Variants in FRMD4A observed in about 807,000 individuals in gnomAD.
FRMD4A encodes the protein FERM domain-containing protein 4A.
Under a neutral mutation model 129.1 loss-of-function variants are expected in FRMD4A, and 29 were observed. That is an observed-to-expected ratio of 0.22 (90% CI 0.17 to 0.31). The LOEUF is 0.31. Ranked by LOEUF, FRMD4A falls within the 10% of genes least tolerant of loss-of-function variation. The pLI is 1.00. For missense variants in FRMD4A, 1,272 were observed against 1,375.8 expected (o/e 0.92, Z 1.19); for synonymous variants, 634 against 571.6 (o/e 1.11, Z -1.56).
intron 6 of FRMD4A, among the ~76,000 whole-genome samples, chr10:13,779,112 T>A (rs1238551908): frequency 6.6e-6 from 1 of 151,770 alleles, no homozygotes; most frequent in African/African-American, 2.4e-5. Context: ...AGGTCAGGCG[T>A]TCGAGACCGG....
chr10:14,019,720 A>G (rs1354147318), intron 2 of FRMD4A, among the ~76,000 whole-genome samples: 1 of 152,248 alleles, frequency 6.6e-6, no homozygotes, highest in Admixed American at 6.5e-5. Flanking sequence ...GATCAGATGG[A>G]CAGTGATGGG....
At chr10:14,000,667 A>AAAAAAAAAAAAAG (rs200369296) in intron 2 of FRMD4A, among the ~76,000 whole-genome samples, 80 of 106,898 alleles carry the variant, frequency 7.5e-4, no homozygotes, top group Non-Finnish European at 1.3e-3. Context: ...AAAAAAAAAA[A>AAAAAAAAAAAAAG]AGAGAAGAAA....
chr10:13,726,125 A>C (rs2089871026), intron 12 of FRMD4A, among the ~76,000 whole-genome samples: 1 of 152,126 alleles, frequency 6.6e-6, no homozygotes, highest in South Asian at 2.1e-4. Context: ...AAATACAAAA[A>C]TTAGCCGAGT....
At chr10:13,703,915 G>T (rs573359821) in intron 13 of FRMD4A, among the ~76,000 whole-genome samples, 115 of 152,320 alleles carry the variant, frequency 7.5e-4, no homozygotes, top group African/African-American at 2.7e-3. Context: ...TGAGGCAGGA[G>T]AATTGCTTGA....
At chr10:13,936,902 A>C (rs1002128435) in intron 2 of FRMD4A, among the ~76,000 whole-genome samples, 2 of 152,192 alleles carry the variant, frequency 1.3e-5, no homozygotes, top group Non-Finnish European at 2.9e-5. Flanking sequence ...CACTCGTGTT[A>C]ACTAAGCTTT....
chr10:13,944,119 T>C (rs187233305), intron 2 of FRMD4A, among the ~76,000 whole-genome samples: 46 of 152,328 alleles, frequency 3.0e-4, no homozygotes, highest in African/African-American at 1.1e-3. Context: ...GGGGATCTTA[T>C]GTAGCAGGGA....
At chr10:14,196,646 T>C (rs1039781177) in intron 2 of FRMD4A, among the ~76,000 whole-genome samples, 3 of 152,250 alleles carry the variant, frequency 2.0e-5, no homozygotes, top group Admixed American at 2.0e-4. Flanking sequence ...TCTAAAAATC[T>C]ATTACAACAG....
At chr10:13,971,626 A>T in intron 2 of FRMD4A, 1 of 1,247,308 alleles carries the variant, frequency 8.0e-7, no homozygotes, top group South Asian at 1.3e-5. Context: ...CCATGCTTCA[A>T]AGAAACGAAA....
intron 2 of FRMD4A, among the ~76,000 whole-genome samples, chr10:14,172,530 C>T (rs1462269795): frequency 6.6e-6 from 1 of 152,190 alleles, no homozygotes; most frequent in Non-Finnish European, 1.5e-5. Context: ...GTTGTACTCG[C>T]GTGAGGTTAG....
intron 2 of FRMD4A, among the ~76,000 whole-genome samples, chr10:14,067,381 A>C (rs1835113012): frequency 6.6e-6 from 1 of 152,172 alleles, no homozygotes; most frequent in Non-Finnish European, 1.5e-5. Context: ...CAACCAGTAT[A>C]GAGGGGAACA....
At chr10:13,669,735 T>C (rs987872373) in intron 17 of FRMD4A, among the ~76,000 whole-genome samples, 2 of 152,244 alleles carry the variant, frequency 1.3e-5, no homozygotes, top group South Asian at 2.1e-4. Context: ...GGCCTGAGGC[T>C]GGATTCTCAT....
intron 2 of FRMD4A, among the ~76,000 whole-genome samples, chr10:13,944,192 T>C (rs1479853229): frequency 6.6e-6 from 1 of 152,136 alleles, no homozygotes; most frequent in Non-Finnish European, 1.5e-5. Flanking sequence ...AGAGTGAAGC[T>C]TCATCTGTAT....
intron 2 of FRMD4A, chr10:13,971,992 G>C (rs1464063234): frequency 1.7e-6 from 2 of 1,181,784 alleles, no homozygotes; most frequent in African/African-American, 1.6e-5. Context: ...AATCCTCAGA[G>C]ACTGCTTTCC....
intron 2 of FRMD4A, among the ~76,000 whole-genome samples, chr10:13,964,282 T>G (rs756020): frequency 0.54 from 82,486 of 151,886 alleles, 22,622 homozygotes; most frequent in Admixed American, 0.6. Context: ...CCCTCCCCAC[T>G]AACAAACGAA....
intron 2 of FRMD4A, among the ~76,000 whole-genome samples, chr10:14,078,476 C>A (rs925775929): frequency 6.6e-6 from 1 of 152,186 alleles, no homozygotes; most frequent in African/African-American, 2.4e-5. Flanking sequence ...AGCTTCTTCC[C>A]GCCCTCCAGA....
At chr10:13,836,992 CATGAT>C (rs1307629714) in intron 3 of FRMD4A, among the ~76,000 whole-genome samples, 4 of 152,104 alleles carry the variant, frequency 2.6e-5, no homozygotes, top group Non-Finnish European at 5.9e-5. Flanking sequence ...CTCCTGACCT[CATGAT>C]CTGCCTGCCT....
intron 2 of FRMD4A, among the ~76,000 whole-genome samples, chr10:14,098,225 T>C (rs1837103307): frequency 6.6e-6 from 1 of 150,542 alleles, no homozygotes; most frequent in South Asian, 2.1e-4. Flanking sequence ...GCCTTCAAAC[T>C]GGTCACCCCT....
intron 3 of FRMD4A, among the ~76,000 whole-genome samples, chr10:13,853,868 A>T (rs975281096): frequency 2.8e-5 from 4 of 144,284 alleles, no homozygotes; most frequent in African/African-American, 5.2e-5. Flanking sequence ...AAAAGTGGGG[A>T]TGGGGAAGAA....
intron 2 of FRMD4A, among the ~76,000 whole-genome samples, chr10:13,901,219 G>A (rs1484394078): frequency 2.6e-5 from 4 of 152,204 alleles, no homozygotes; most frequent in South Asian, 2.1e-4. Flanking sequence ...GTGGTATTGC[G>A]TCCCTTCTCG....
Sources: gnomAD v4.1 joint callset for allele counts (sites outside exome capture counted in the v4.1 genomes callset) on GRCh38, gnomAD v4.1.1 for gene constraint, MANE v1.5 for transcripts, NCBI Gene and HGNC (gene_info 2026-07-23, HGNC 2026-07-21) for gene names.